PTP4A1: variants seen among roughly 807,000 people sequenced by gnomAD.
PTP4A1 encodes the protein protein tyrosine phosphatase type IVA 1.
A neutral mutation model predicts 20.5 loss-of-function variants in PTP4A1; 9 were observed. That is an observed-to-expected ratio of 0.44 (90% CI 0.26 to 0.77). The LOEUF is 0.77. Ranked by LOEUF, PTP4A1 falls within the 30% of genes least tolerant of loss-of-function variation. PTP4A1 has a pLI of 0.19. For missense variants in PTP4A1, 137 were observed against 218.8 expected, an observed-to-expected ratio of 0.63 and a Z score of 2.36; for synonymous variants, 78 against 67.4, an observed-to-expected ratio of 1.16 and a Z score of -0.77.
rs542920514 is a variant in PTP4A1, at chr6:63,546,898, G to A, written c.-639-3402G>A. Reference sequence around the variant, plus strand: ...TATGTTAAATAGCTTTATGTATTTCGCAATGTGTAGTGTATATATATAAAC... The same window carrying A: ...TATGTTAAATAGCTTTATGTATTTCACAATGTGTAGTGTATATATATAAAC... On this transcript the variant is annotated intron_variant, in intron 2 of 3. Coordinates refer to the PTP4A1 transcript ENST00000639568. Among the ~76,000 whole-genome samples, 22 of 152,002 alleles carry A rather than the reference G, an allele frequency of 1.4e-4. No individual in the cohort carries two copies. The South Asian group carries it at 1.5e-3, about 10-fold the overall frequency.
intron 2 of PTP4A1, among the ~76,000 whole-genome samples, chr6:63,536,848 A>G (rs1159226682): frequency 6.6e-6 from 1 of 152,110 alleles, no homozygotes; most frequent in Non-Finnish European, 1.5e-5. Context: ...TCTTAGCAGC[A>G]TAGTCTTTTT....
At position 63,579,293 on chromosome 6, in the gene PTP4A1, T is replaced by C; in HGVS notation, c.366T>C (p.Gly122=). 6.2e-7 allele frequency: 1 copy of C among 1,611,380 alleles called. No individual in the cohort carries two copies. The highest frequency in any genetic ancestry group is 8.5e-7 in the Non-Finnish European group (1 of 1,178,572). Residue 122 remains glycine, a synonymous_variant, in exon 5 of 6, where the codon GGT becomes GGC. Coordinates refer to ENST00000626021, the MANE Select transcript of PTP4A1 (RefSeq NM_003463.5). ...PVLVALALIE[G]GMKYEDAVQF... is the part of the protein sequence containing the mutation. ...TTGTTGCCCTAGCATTAATTGAAGGTGGAATGAAATACGAAGATGCAGTAC... is the reference window on the plus strand; with the variant it reads ...TTGTTGCCCTAGCATTAATTGAAGGCGGAATGAAATACGAAGATGCAGTAC...
At chr6:63,546,261 T>C (rs527968093) in intron 2 of PTP4A1, among the ~76,000 whole-genome samples, 1 of 152,120 alleles carries the variant, frequency 6.6e-6, no homozygotes, top group South Asian at 2.1e-4. Flanking sequence ...GGAGGACATT[T>C]TGCTAAGTGA....
chr6:63,532,487 T>C (rs1425426423), intron 2 of PTP4A1, among the ~76,000 whole-genome samples: 1 of 152,114 alleles, frequency 6.6e-6, no homozygotes, highest in East Asian at 1.9e-4. Flanking sequence ...TAGGACTATT[T>C]CTGGAAGCCT....
chr6:63,577,021 T>C (rs772599109), intron 2 of PTP4A1, 36 bp downstream of exon 2: 3 of 1,509,266 alleles, frequency 2.0e-6, no homozygotes, highest in Admixed American at 3.5e-5. Flanking sequence ...TTAAATTGAT[T>C]GCAATATAAT....
At chr6:63,535,254 CAGG>C (rs1401216179) in intron 2 of PTP4A1, among the ~76,000 whole-genome samples, 2 of 152,010 alleles carry the variant, frequency 1.3e-5, no homozygotes, top group African/African-American at 4.8e-5. Flanking sequence ...CACTTGAGGC[CAGG>C]AGTTTGAGAC....
intron 2 of PTP4A1, among the ~76,000 whole-genome samples, chr6:63,541,603 G>A (rs1268292554): frequency 1.3e-5 from 2 of 152,050 alleles, no homozygotes; most frequent in Non-Finnish European, 2.9e-5. Flanking sequence ...CAGATTTTAG[G>A]ACTGATATTT....
chr6:63,567,938 A>G (rs957183434), upstream of PTP4A1, among the ~76,000 whole-genome samples: 14 of 152,084 alleles, frequency 9.2e-5, no homozygotes, highest in African/African-American at 2.7e-4. Context: ...TCATGAATCC[A>G]CCTCTGCTAT....
upstream of PTP4A1, among the ~76,000 whole-genome samples, chr6:63,517,908 C>T (rs1581903244): frequency 6.6e-6 from 1 of 152,116 alleles, no homozygotes; most frequent in East Asian, 1.9e-4. Flanking sequence ...AATCCCAACA[C>T]TTTGGGAGTC....
rs1233301976 is a variant in PTP4A1 at position 63,580,452 on chromosome 6, G to A, written c.*278G>A. Reference sequence around the variant, plus strand: ...CTTTCCCCAAATCATGCAGTATTGAGTTATGACTTGTTAAATCTATTCCCA... The same window carrying A: ...CTTTCCCCAAATCATGCAGTATTGAATTATGACTTGTTAAATCTATTCCCA... On this transcript the variant is annotated 3_prime_UTR_variant, in exon 6 of 6. Coordinates refer to ENST00000626021, the MANE Select transcript of PTP4A1 (RefSeq NM_003463.5). The A allele has an allele frequency of 3.4e-6, 1 of 293,240 alleles. No homozygotes were observed. The highest frequency in any genetic ancestry group is 6.5e-6 in the Non-Finnish European group (1 of 153,706). The allele number at this position is 293,240 out of a possible 1,614,324, so 18.2% of individuals were successfully genotyped here.
chr6:63,538,419 C>T (rs1775811351), intron 2 of PTP4A1, among the ~76,000 whole-genome samples: 1 of 152,070 alleles, frequency 6.6e-6, no homozygotes, highest in Non-Finnish European at 1.5e-5. Flanking sequence ...TATAAAAGAT[C>T]AATGTTGGAT....
chr6:63,534,468 C>A (rs949306220), intron 2 of PTP4A1, among the ~76,000 whole-genome samples: 1 of 151,504 alleles, frequency 6.6e-6, no homozygotes, highest in Admixed American at 6.6e-5. Flanking sequence ...CACACACACA[C>A]ACACACACAC....
At chr6:63,534,968 G>A in intron 2 of PTP4A1, among the ~76,000 whole-genome samples, 1 of 152,038 alleles carries the variant, frequency 6.6e-6, no homozygotes, top group East Asian at 1.9e-4. Context: ...GCTGAGGCAG[G>A]AGAATTGCTT....
chr6:63,524,554 T>A (rs1775080184), intron 1 of PTP4A1, among the ~76,000 whole-genome samples: 1 of 152,146 alleles, frequency 6.6e-6, no homozygotes, highest in South Asian at 2.1e-4. Context: ...GTTCAATATG[T>A]TTCAAGAAAA....
chr6:63,561,084 T>C (rs1369681972), intron 3 of PTP4A1, among the ~76,000 whole-genome samples: 3 of 152,202 alleles, frequency 2.0e-5, no homozygotes, highest in Non-Finnish European at 4.4e-5. Flanking sequence ...AAAGCTTGTT[T>C]GTTTAGCAAA....
intron 2 of PTP4A1, among the ~76,000 whole-genome samples, chr6:63,533,450 A>G (rs1775564194): frequency 6.6e-6 from 1 of 152,218 alleles, no homozygotes; most frequent in Non-Finnish European, 1.5e-5. Flanking sequence ...TACACAGAAT[A>G]ATTACATGAA....
At position 63,583,015 on chromosome 6, in the gene PTP4A1, A is replaced by G. The variant is rs1232196587; in HGVS notation, c.*2841A>G. ...TTTTAATGTCATATTCATCTGGTAAATATCTACTGTTTGCCAGGCATTTAA... is the reference window on the plus strand; with the variant it reads ...TTTTAATGTCATATTCATCTGGTAAGTATCTACTGTTTGCCAGGCATTTAA... On this transcript the variant is annotated 3_prime_UTR_variant, in exon 6 of 6. Coordinates refer to ENST00000626021, the MANE Select transcript of PTP4A1 (RefSeq NM_003463.5). The G allele has an allele frequency of 6.6e-6, 1 of 152,158 alleles. No homozygotes were observed. Among genetic ancestry groups the G allele is most frequent in the African/African-American group, 2.4e-5 (1 of 41,430 alleles). 9.4% of individuals were successfully genotyped at this position (152,158 alleles called of 1,614,324 possible).
Position 63,573,522 on chromosome 6 carries a change from T to TCGGGCGCACACAGCCGCGTGCG in PTP4A1, c.-446+808_-446+829dup, listed in dbSNP as rs1308057449. ...CGGAGAGGGGGCGCAGCGGGCGTGCTCGGGCGCACACAGCCGCGTGCGCGG... is the reference window on the plus strand; with the variant it reads ...CGGAGAGGGGGCGCAGCGGGCGTGCTCGGGCGCACACAGCCGCGTGCGCGGGCGCACACAGCCGCGTGCGCGG... On this transcript the variant is annotated intron_variant, in intron 1 of 5. Coordinates refer to ENST00000626021, the MANE Select transcript of PTP4A1 (RefSeq NM_003463.5). 9.2e-5 allele frequency: 14 copies of TCGGGCGCACACAGCCGCGTGCG among 152,278 alleles called. No homozygotes were observed. The East Asian group carries it at 1.6e-3, about 17-fold the overall frequency. 9.4% of individuals were successfully genotyped at this position (152,278 alleles called of 1,614,324 possible).
intron 2 of PTP4A1, 115 bp from the exon 3 acceptor site, chr6:63,578,322 A>T (rs1432074212): frequency 1.6e-6 from 2 of 1,225,116 alleles, no homozygotes; most frequent in Non-Finnish European, 2.1e-6. Context: ...AGCATTCTTT[A>T]AATGATCTTC....
Sources: gnomAD v4.1 joint callset for allele counts (sites outside exome capture counted in the v4.1 genomes callset) on GRCh38, gnomAD v4.1.1 for gene constraint, MANE v1.5 for transcripts, NCBI Gene and HGNC (gene_info 2026-07-23, HGNC 2026-07-21) for gene names.